The following GHSR variants were observed in gnomAD, a reference collection of about 807,000 sequenced individuals.
The protein encoded by GHSR is growth hormone secretagogue receptor type 1.
Under a neutral mutation model 24.0 loss-of-function variants are expected in GHSR, and 17 were observed. The ratio of observed to expected loss-of-function variants is 0.71; its 90% CI spans 0.49 to 1.06. GHSR has a LOEUF of 1.06. Ranked by LOEUF, GHSR falls within the 50% of genes least tolerant of loss-of-function variation. The pLI is 0.00. For synonymous variants in GHSR, 238 were observed against 208.1 expected, an observed-to-expected ratio of 1.14 and a Z score of -1.24; for missense variants, 504 against 483.1, an observed-to-expected ratio of 1.04 and a Z score of -0.41.
At position 172,445,061 on chromosome 3, in the gene GHSR, C is replaced by A; in HGVS notation, c.*100G>T. 7.5e-7 allele frequency: 1 copy of A among 1,329,472 alleles called. No individual in the cohort carries two copies. Among genetic ancestry groups the A allele is most frequent in the South Asian group, 1.2e-5 (1 of 84,232 alleles). 82.4% of individuals were successfully genotyped at this position (1,329,472 alleles called of 1,614,324 possible). The stretch of plus-strand genomic sequence containing the variant: ...CCAGATGTTTCTGGATCTATGTGTT[C>A]CTAATTCCAAAATTAACCTTCAGCT... On this transcript the variant is annotated 3_prime_UTR_variant, in exon 2 of 2. Transcript: ENST00000241256.
rs1737390565 is a variant in GHSR at position 172,443,608 on chromosome 3, G to A, written c.*1553C>T. On this transcript the variant is annotated 3_prime_UTR_variant, in exon 2 of 2. Transcript: ENST00000241256. ...GCTTATATGACTAAGTATTGCACAGGATTATGAAAAAGTTATTTTTGGGTT... is the reference window on the plus strand; with the variant it reads ...GCTTATATGACTAAGTATTGCACAGAATTATGAAAAAGTTATTTTTGGGTT... Among the ~76,000 whole-genome samples the A allele has an allele frequency of 1.3e-5, 2 of 152,086 alleles. No individual in the cohort carries two copies. The highest frequency in any genetic ancestry group is 4.8e-5 in the African/African-American group (2 of 41,416).
Position 172,447,997 on chromosome 3 carries a change from G to C in GHSR, c.417C>G (p.Val139=), listed in dbSNP as rs777681745. The C allele has an allele frequency of 1.2e-6, 2 of 1,614,220 alleles. No individual in the cohort carries two copies. The highest frequency in any genetic ancestry group is 2.7e-5 in the African/African-American group (2 of 75,068). Residue 139 remains valine, a synonymous_variant, in exon 1 of 2, where the codon GTC becomes GTG. Transcript: ENST00000241256. Reference sequence around the variant, plus strand: ...GGAAGCAGATGGCGAAGTAGCGCTCGACGCTCAGCGCTGTGATGGTGAGCA... The same window carrying C: ...GGAAGCAGATGGCGAAGTAGCGCTCCACGCTCAGCGCTGTGATGGTGAGCA... The part of the protein sequence containing the change: ...ATVLTITALS[V]ERYFAICFPL...
rs35832180 is a variant in GHSR, at chr3:172,447,376, G to A, written c.796+242C>T. ...AGACGGTAAGAAAGACACTGACAAA[G>A]TAAAGGGGGAGGAGAGAGAGAGACA... On this transcript the variant is annotated intron_variant, in intron 1 of 1. Transcript: ENST00000241256. 2.6e-3 allele frequency: 940 copies of A among 363,382 alleles called. 53 individuals are homozygous for A. In the East Asian group the frequency reaches 0.14, roughly 56 times the overall value. 22.5% of individuals were successfully genotyped at this position (363,382 alleles called of 1,614,324 possible).
intron 1 of GHSR, among the ~76,000 whole-genome samples, chr3:172,446,053 C>G (rs1737454632): frequency 6.6e-6 from 1 of 151,792 alleles, no homozygotes; most frequent in African/African-American, 2.4e-5. Context: ...ATTATTAAAC[C>G]AACTCATATA....
rs1737425271 is a variant in GHSR at position 172,445,076 on chromosome 3, A to G, written c.*85T>C. 6.8e-7 allele frequency: 1 copy of G among 1,465,912 alleles called. No homozygotes were observed. 90.8% of individuals were successfully genotyped at this position (1,465,912 alleles called of 1,614,324 possible). ...TCTATGTGTTCCTAATTCCAAAATT[A>G]ACCTTCAGCTTCCTCCCAAGTTCTG... On this transcript the variant is annotated 3_prime_UTR_variant, in exon 2 of 2. Transcript: ENST00000241256.
At chr3:172,446,327 A>G (rs909296332) in intron 1 of GHSR, among the ~76,000 whole-genome samples, 2 of 152,238 alleles carry the variant, frequency 1.3e-5, no homozygotes, top group East Asian at 3.8e-4. Flanking sequence ...TAAGTTGTAT[A>G]GTAGCAACTT....
chr3:172,445,601 T>C (rs1737441359), intron 1 of GHSR, 136 bp from the exon 2 acceptor site: 2 of 902,596 alleles, frequency 2.2e-6, no homozygotes, highest in African/African-American at 1.7e-5. Flanking sequence ...GCTCTTCCTG[T>C]TCCAACATTT....
At position 172,444,590 on chromosome 3, in the gene GHSR, GGTTTCTGTAA is replaced by G. The variant is rs776156579; in HGVS notation, c.*561_*570del. On this transcript the variant is annotated 3_prime_UTR_variant, in exon 2 of 2. Coordinates refer to ENST00000241256, the MANE Select transcript of GHSR (RefSeq NM_198407.2). Reference sequence around the variant, plus strand: ...ATGAAAACTTAGTGTCCAAATTGAGGGTTTCTGTAAGTGTAAAAAGCATGCCAGATTTCAA... The same window carrying G: ...ATGAAAACTTAGTGTCCAAATTGAGGGTGTAAAAAGCATGCCAGATTTCAA... Among the ~76,000 whole-genome samples the G allele has an allele frequency of 0.25, 37,876 of 151,894 alleles. 5,672 individuals carry two copies. The highest frequency in any genetic ancestry group is 0.44 in the East Asian group (2,255 of 5,152).
At chr3:172,446,627 T>C (rs1737468752) in intron 1 of GHSR, among the ~76,000 whole-genome samples, 1 of 152,248 alleles carries the variant, frequency 6.6e-6, no homozygotes, top group Admixed American at 6.5e-5. Context: ...ACCTTGGTTT[T>C]GAAAATGCAA....
Position 172,444,988 on chromosome 3 carries a change from G to A in GHSR, c.*173C>T, listed in dbSNP as rs745887911. 1.5e-4 allele frequency: 108 copies of A among 719,178 alleles called. No homozygotes were observed. The Middle Eastern group carries it at 1.5e-3, about 10-fold the overall frequency. 44.5% of individuals were successfully genotyped at this position (719,178 alleles called of 1,614,324 possible). ...TGTATGAGAGCACTGATAATTGTGC[G>A]ATCAAATCAAACTGCTCACACCCTA... is the stretch of plus-strand genomic sequence containing the variant. On this transcript the variant is annotated 3_prime_UTR_variant, in exon 2 of 2. Coordinates refer to ENST00000241256, the MANE Select transcript of GHSR (RefSeq NM_198407.2).
chr3:172,447,784 G>A lies in GHSR; in HGVS notation c.630C>T (p.Leu210=), dbSNP rs752951816. The A allele has an allele frequency of 6.2e-7, 1 of 1,614,096 alleles. No homozygotes were observed. The highest frequency in any genetic ancestry group is 8.5e-7 in the Non-Finnish European group (1 of 1,180,040). Residue 210 remains leucine, a synonymous_variant, in exon 1 of 2, where the codon CTC becomes CTT. Coordinates refer to ENST00000241256, the MANE Select transcript of GHSR (RefSeq NM_198407.2). ...TGCTGGACACCCACACCATGACCGT[G>A]AGCAGTCCAGAGCGCACCGCAAACT... ...PTEFAVRSGL[L]TVMVWVSSIF... is the part of the protein sequence containing the mutation.
At position 172,444,647 on chromosome 3, in the gene GHSR, A is replaced by G. The variant is rs1381341243; in HGVS notation, c.*514T>C. Reference sequence around the variant, plus strand: ...TCAAAGACTTAGTGTGAAAAAAAAGAATGTAAATTCCTTTTTAATAATTTT... The same window carrying G: ...TCAAAGACTTAGTGTGAAAAAAAAGGATGTAAATTCCTTTTTAATAATTTT... On this transcript the variant is annotated 3_prime_UTR_variant, in exon 2 of 2. Coordinates refer to ENST00000241256, the MANE Select transcript of GHSR (RefSeq NM_198407.2). Among the ~76,000 whole-genome samples, 1 of 152,168 alleles carries G rather than the reference A, an allele frequency of 6.6e-6. No homozygotes were observed. Among genetic ancestry groups the G allele is most frequent in the Non-Finnish European group, 1.5e-5 (1 of 68,018 alleles).
At chr3:172,445,630 T>C (rs540510663) in intron 1 of GHSR, 165 bp from the exon 2 acceptor site, 2 of 256,914 alleles carry the variant, frequency 7.8e-6, no homozygotes, top group East Asian at 1.8e-4. Flanking sequence ...ATTCAGTCTG[T>C]CTGGACCAAC....
chr3:172,445,975 T>G lies in GHSR; in HGVS notation c.797-510A>C, dbSNP rs752825519. Among the ~76,000 whole-genome samples, 4 of 152,128 alleles carry G rather than the reference T, an allele frequency of 2.6e-5. No homozygotes were observed. The Middle Eastern group carries it at 0.014, about 517-fold the overall frequency. On this transcript the variant is annotated intron_variant, in intron 1 of 1. Coordinates refer to ENST00000241256, the MANE Select transcript of GHSR (RefSeq NM_198407.2). ...TTTAAGTTTCACAGAGGATTGAATA[T>G]ACAGTTAGGATTAAGAATCACTGAG...
chr3:172,448,405 G>A lies in GHSR; in HGVS notation c.9C>T (p.Asn3=). 1 of 1,593,466 alleles carries A rather than the reference G, an allele frequency of 6.3e-7. No individual in the cohort carries two copies. Among genetic ancestry groups the A allele is most frequent in the Non-Finnish European group, 8.5e-7 (1 of 1,177,474 alleles). MW[N]ATPSEEPGFN... is the part of the protein sequence containing the mutation. ...ACCCCGGCTCTTCGCTGGGCGTCGC[G>A]TTCCACATGCTGCCGGCTCAGCTGA... The change falls in exon 1 of 2, where the codon AAC becomes AAT. Residue 3 remains asparagine, a synonymous_variant. Coordinates refer to ENST00000241256, the MANE Select transcript of GHSR (RefSeq NM_198407.2). The surrounding 1 kb of genome is among the most constrained non-coding windows in gnomAD (Gnocchi z 4.8).
chr3:172,446,689 G>C (rs568411501), intron 1 of GHSR, among the ~76,000 whole-genome samples: 5 of 152,144 alleles, frequency 3.3e-5, no homozygotes, highest in Admixed American at 1.3e-4. Flanking sequence ...TACTTCACTT[G>C]TACCAAACAC....
At position 172,447,387 on chromosome 3, in the gene GHSR, GGA is replaced by G. The variant is rs10618418; in HGVS notation, c.796+229_796+230del. 0.7 allele frequency: 287,308 copies of G among 409,038 alleles called. 102,587 individuals carry two copies. Among genetic ancestry groups the G allele is most frequent in the Non-Finnish European group, 0.73 (221,756 of 303,080 alleles). The allele number at this position is 409,038 out of a possible 1,614,324, so 25.3% of individuals were successfully genotyped here. On this transcript the variant is annotated intron_variant, in intron 1 of 1. Transcript: ENST00000241256. ...AAGACACTGACAAAGTAAAGGGGGA[GGA>G]GAGAGAGAGACAGAGACAGAGAGAA...
Position 172,448,159 on chromosome 3 carries a change from C to T in GHSR, c.255G>A (p.Met85Ile), listed in dbSNP as rs969873003. 7.4e-6 allele frequency: 12 copies of T among 1,614,070 alleles called. No homozygotes were observed. In the African/African-American group the frequency reaches 9.3e-5, roughly 13 times the overall value. Reference sequence around the variant, plus strand: ...GGAAGATGAGCAGATCGGAGAAGGCCATGCTGGACAGGTAGAGGTTGGTGG... The same window carrying T: ...GGAAGATGAGCAGATCGGAGAAGGCTATGCTGGACAGGTAGAGGTTGGTGG... ...RTTTNLYLSS[M>I]AFSDLLIFLC... The change falls in exon 1 of 2, where the codon ATG becomes ATA. Residue 85 changes from methionine to isoleucine, a missense_variant. Transcript: ENST00000241256. The surrounding 1 kb of genome is among the most constrained non-coding windows in gnomAD (Gnocchi z 4.8).
At chr3:172,446,894 A>G (rs1737474674) in intron 1 of GHSR, among the ~76,000 whole-genome samples, 1 of 152,186 alleles carries the variant, frequency 6.6e-6, no homozygotes, top group Non-Finnish European at 1.5e-5. Context: ...CTACCTGAAG[A>G]GGCAGGTAAT....
Sources: gnomAD v4.1 joint callset for allele counts (sites outside exome capture counted in the v4.1 genomes callset) on GRCh38, gnomAD v4.1.1 for gene constraint, Gnocchi (gnomAD v3.1) non-coding constraint, MANE v1.5 for transcripts, NCBI Gene and HGNC (gene_info 2026-07-23, HGNC 2026-07-21) for gene names.